PAICS: variants seen among roughly 807,000 people sequenced by gnomAD.
PAICS encodes the protein bifunctional phosphoribosylaminoimidazole carboxylase/phosphoribosylaminoimidazole succinocarboxamide synthetase.
Under a neutral mutation model 53.7 loss-of-function variants are expected in PAICS, and 33 were observed. The observed-to-expected ratio is 0.61, with a 90% CI of 0.47 to 0.82. PAICS has a LOEUF of 0.82. Ranked by LOEUF, PAICS falls within the 40% of genes least tolerant of loss-of-function variation. The probability of loss-of-function intolerance (pLI) is 0.00; values close to 1 mark genes in which losing one functional copy is unlikely to be tolerated. For synonymous variants in PAICS, 141 were observed against 167.2 expected (o/e 0.84, Z 1.21); for missense variants, 394 against 494.1 (o/e 0.80, Z 1.92).
the PAICS span, among the ~76,000 whole-genome samples, chr4:56,417,757 G>A: frequency 2.6e-5 from 4 of 151,990 alleles, no homozygotes; most frequent in Non-Finnish European, 5.9e-5. Context: ...ACACACTCCA[G>A]CCTGTGCAAC....
intron 3 of PAICS, among the ~76,000 whole-genome samples, 173 bp from the exon 4 acceptor site, chr4:56,448,245 T>C (rs902347983): frequency 7.2e-5 from 11 of 152,038 alleles, no homozygotes; most frequent in African/African-American, 2.7e-4. Context: ...GATCTTGTGA[T>C]CCGCCCACCT....
intron 7 of PAICS, among the ~76,000 whole-genome samples, chr4:56,453,150 T>C (rs1379331807): frequency 6.6e-6 from 1 of 152,212 alleles, no homozygotes; most frequent in Non-Finnish European, 1.5e-5. Flanking sequence ...ACTATATTAA[T>C]TAAACTTTCC....
At chr4:56,456,015 T>C (rs1719175602) in intron 8 of PAICS, among the ~76,000 whole-genome samples, 1 of 152,134 alleles carries the variant, frequency 6.6e-6, no homozygotes, top group Non-Finnish European at 1.5e-5. Context: ...TTCCCTTGAT[T>C]TCTATTCTAC....
At chr4:56,449,330 C>G (rs1228075621) in intron 5 of PAICS, among the ~76,000 whole-genome samples, 4 of 152,158 alleles carry the variant, frequency 2.6e-5, no homozygotes, top group African/African-American at 4.8e-5. Flanking sequence ...CCATCTCACA[C>G]CAGTCAGAAT....
the PAICS span, chr4:56,422,909 T>A: frequency 6.6e-6 from 1 of 152,056 alleles, no homozygotes; most frequent in African/African-American, 2.4e-5. Flanking sequence ...TTGGGCCCCA[T>A]CCAGAATCAG....
rs1287126076 is a variant in PAICS at position 56,451,060 on chromosome 4, C to G, written c.771+358C>G. On this transcript the variant is annotated intron_variant, in intron 6 of 8. Coordinates refer to ENST00000512576, the MANE Select transcript of PAICS (RefSeq NM_001079524.2). Reference sequence around the variant, plus strand: ...TCTTGATCTCCTGACCTCGTGATCCCCCTGCCTCGGCCTCCCAAAGTGCCG... The same window carrying G: ...TCTTGATCTCCTGACCTCGTGATCCGCCTGCCTCGGCCTCCCAAAGTGCCG... 1.2e-4 allele frequency: 19 copies of G among 164,708 alleles called. 1 individual carries two copies. Among genetic ancestry groups the G allele is most frequent in the Non-Finnish European group, 2.6e-5 (2 of 76,422 alleles). The allele number at this position is 164,708 out of a possible 1,614,324, so 10.2% of individuals were successfully genotyped here. A position where few individuals can be genotyped will look rare whatever the true frequency, so the allele number is the denominator to read the frequency against.
At position 56,462,068 on chromosome 4, in the gene PAICS, G is replaced by A. The variant is rs1448252661; in HGVS notation, c.*2530G>A. 1 of 151,982 alleles carries A rather than the reference G, an allele frequency of 6.6e-6. No individual in the cohort carries two copies. Among genetic ancestry groups the A allele is most frequent in the Non-Finnish European group, 1.5e-5 (1 of 68,016 alleles). 9.4% of individuals were successfully genotyped at this position (151,982 alleles called of 1,614,324 possible). ...TCCAGATGGAACTTATGTTTTAGAG[G>A]GGAAAACAAACCATAAAAAGGTAAA... is the stretch of plus-strand genomic sequence containing the variant. On this transcript the variant is annotated 3_prime_UTR_variant, in exon 9 of 9. Transcript: ENST00000512576.
In PAICS at chr4:56,436,333, G is replaced by T; in HGVS notation, c.16+5G>T. ...GGATAATGGCGACAGCTGAGGGTGA[G>T]TAACAGGGATCCGGGCCCTTCACGG... On this transcript the variant is annotated splice_donor_5th_base_variant and intron_variant, in intron 1 of 8. Transcript: ENST00000512576. The T allele has an allele frequency of 6.3e-7, 1 of 1,592,928 alleles. No homozygotes were observed. The highest frequency in any genetic ancestry group is 8.6e-7 in the Non-Finnish European group (1 of 1,166,390).
At chr4:56,417,949 C>T in the PAICS span, among the ~76,000 whole-genome samples, 1 of 151,014 alleles carries the variant, frequency 6.6e-6, no homozygotes, top group African/African-American at 2.4e-5. Context: ...AAGCGATTCT[C>T]CTGCCTCAGC....
intron 8 of PAICS, among the ~76,000 whole-genome samples, chr4:56,455,699 G>A (rs1343083682): frequency 1.3e-5 from 2 of 152,254 alleles, no homozygotes; most frequent in East Asian, 1.9e-4. Context: ...GGAATTTTGG[G>A]AGCATTATTA....
chr4:56,459,896 T>G lies in PAICS; in HGVS notation c.*358T>G, dbSNP rs1241399519. ...AGCTATATTTCTCCAGACTTGCATT[T>G]TTTTTTTTTTTTTTGAGACAGGGTC... On this transcript the variant is annotated 3_prime_UTR_variant, in exon 9 of 9. Transcript: ENST00000512576. 1 of 157,294 alleles carries G rather than the reference T, an allele frequency of 6.4e-6. No individual in the cohort carries two copies. Among genetic ancestry groups the G allele is most frequent in the African/African-American group, 2.4e-5 (1 of 41,278 alleles). 9.7% of individuals were successfully genotyped at this position (157,294 alleles called of 1,614,324 possible). A position where few individuals can be genotyped will look rare whatever the true frequency, so the allele number is the denominator to read the frequency against.
chr4:56,455,670 CTGAA>C (rs1400160016), intron 8 of PAICS, among the ~76,000 whole-genome samples: 1 of 152,176 alleles, frequency 6.6e-6, no homozygotes, highest in Non-Finnish European at 1.5e-5. Context: ...GAATCCTATG[CTGAA>C]AATCATTTTG....
chr4:56,417,834 G>GTTTTT, the PAICS span, among the ~76,000 whole-genome samples: 9 of 111,226 alleles, frequency 8.1e-5, no homozygotes, highest in African/African-American at 2.5e-4. Flanking sequence ...TTGAAGATTT[G>GTTTTT]GTTTTTTGTT....
At chr4:56,420,392 C>T in the PAICS span, 1 of 152,124 alleles carries the variant, frequency 6.6e-6, no homozygotes, top group Non-Finnish European at 1.5e-5. Flanking sequence ...AATTTTGTAG[C>T]ATTTCAGATT....
chr4:56,455,262 T>G (rs1719132313), intron 8 of PAICS, among the ~76,000 whole-genome samples: 1 of 152,224 alleles, frequency 6.6e-6, no homozygotes, highest in South Asian at 2.1e-4. Flanking sequence ...CAAGATATGA[T>G]CTGATATTCT....
intron 5 of PAICS, 79 bp from the exon 6 acceptor site, chr4:56,450,540 C>A: frequency 2.7e-6 from 2 of 739,674 alleles, no homozygotes; most frequent in Non-Finnish European, 4.7e-6. Flanking sequence ...CTTCATAATC[C>A]CTCCCCAAAA....
intron 7 of PAICS, among the ~76,000 whole-genome samples, chr4:56,453,056 G>A (rs193052609): frequency 7.6e-4 from 115 of 152,178 alleles, no homozygotes; most frequent in Non-Finnish European, 2.6e-4. Context: ...GAAACAGGAG[G>A]ATAATTTATA....
At chr4:56,448,673 A>G (rs781279911) in intron 4 of PAICS, 37 bp from the exon 5 acceptor site, 2 of 1,512,340 alleles carry the variant, frequency 1.3e-6, no homozygotes, top group Middle Eastern at 1.7e-4. Flanking sequence ...CTTTCATAAA[A>G]TAGTTTTTGA....
chr4:56,417,077 G>C, the PAICS span, among the ~76,000 whole-genome samples: 1 of 152,124 alleles, frequency 6.6e-6, no homozygotes, highest in African/African-American at 2.4e-5. Flanking sequence ...TAGAACTCTC[G>C]ACCTCTGGTG....
Sources: allele counts gnomAD v4.1 joint callset (sites outside exome capture counted in the v4.1 genomes callset), GRCh38; gene constraint gnomAD v4.1.1; transcripts MANE v1.5; gene names NCBI Gene and HGNC (gene_info 2026-07-23, HGNC 2026-07-21).